The following NLGN4Y variants were observed in gnomAD, a reference collection of about 807,000 sequenced individuals.
The protein encoded by NLGN4Y is neuroligin-4, Y-linked.
In NLGN4Y, 4 loss-of-function variants were observed where a neutral mutation model predicts 8.4. That is an observed-to-expected ratio of 0.48 (90% CI 0.23 to 1.09). NLGN4Y has a LOEUF of 1.09. Ranked by LOEUF, NLGN4Y falls within the 50% of genes least tolerant of loss-of-function variation. The pLI is 0.19. For synonymous variants in NLGN4Y, 35 were observed against 75.6 expected, an observed-to-expected ratio of 0.46 and a Z score of 2.78; for missense variants, 90 against 192.3, an observed-to-expected ratio of 0.47 and a Z score of 3.15.
intron 4 of NLGN4Y, among the ~76,000 whole-genome samples, chrY:14,758,218 T>G: frequency 6.0e-5 from 2 of 33,290 alleles, no homozygotes; most frequent in African/African-American, 2.4e-4. Context: ...TCTTTCTTCA[T>G]GGGTTTGGTA....
intron 1 of NLGN4Y, among the ~76,000 whole-genome samples, chrY:14,563,868 T>G: frequency 3.0e-5 from 1 of 33,532 alleles, no homozygotes; most frequent in Admixed American, 2.7e-4. Flanking sequence ...TGTATTTCTG[T>G]GGGATTACTG....
intron 4 of NLGN4Y, among the ~76,000 whole-genome samples, chrY:14,733,777 C>T: frequency 3.0e-5 from 1 of 32,924 alleles, no homozygotes; most frequent in Non-Finnish European, 7.4e-5. Flanking sequence ...AGGAGAAGCA[C>T]ATGTGAGAGG....
Position 14,845,522 on chromosome Y carries a change from C to T in NLGN4Y, c.*4260C>T. Reference sequence around the variant, plus strand: ...CTTCAATAAGATATTTTGAAAGAAACCACATTCACATAACATTTATGACAT... The same window carrying T: ...CTTCAATAAGATATTTTGAAAGAAATCACATTCACATAACATTTATGACAT... On this transcript the variant is annotated 3_prime_UTR_variant, in exon 7 of 7. Transcript: ENST00000684976. The T allele has an allele frequency of 9.0e-5, 3 of 33,168 alleles. No individual in the cohort carries two copies. The highest frequency in any genetic ancestry group is 2.3e-4 in the African/African-American group (2 of 8,555). 8.3% of individuals were successfully genotyped at this position (33,168 alleles called of 400,897 possible).
intron 2 of NLGN4Y, among the ~76,000 whole-genome samples, chrY:14,675,023 T>C: frequency 3.0e-5 from 1 of 33,285 alleles, no homozygotes; most frequent in East Asian, 8.0e-4. Context: ...TATTGAATAA[T>C]TAATGTTACA....
At chrY:14,727,799 C>T (rs2080959750) in intron 4 of NLGN4Y, among the ~76,000 whole-genome samples, 1 of 33,123 alleles carries the variant, frequency 3.0e-5, no homozygotes, top group Non-Finnish European at 7.4e-5. Context: ...CCCCTGGTGT[C>T]GTGAAAGTGG....
At chrY:14,825,067 G>A in intron 5 of NLGN4Y, among the ~76,000 whole-genome samples, 2 of 33,245 alleles carry the variant, frequency 6.0e-5, no homozygotes, top group Non-Finnish European at 7.4e-5. Context: ...TTTTAACCAC[G>A]TGTTTTTTTA....
At chrY:14,568,123 T>C (rs2150479034) in intron 1 of NLGN4Y, among the ~76,000 whole-genome samples, 1 of 32,972 alleles carries the variant, frequency 3.0e-5, no homozygotes, top group Non-Finnish European at 7.5e-5. Context: ...CCCTCCCCAC[T>C]CCCTCCACCC....
At chrY:14,802,668 A>G (rs2043037792) in intron 4 of NLGN4Y, among the ~76,000 whole-genome samples, 1 of 13,365 alleles carries the variant, frequency 7.5e-5, no homozygotes, top group African/African-American at 4.7e-4. Context: ...TTAATTATCT[A>G]TAATTTTAAA....
intron 1 of NLGN4Y, among the ~76,000 whole-genome samples, chrY:14,568,070 C>T: frequency 3.1e-5 from 1 of 32,193 alleles, no homozygotes; most frequent in Non-Finnish European, 7.5e-5. Context: ...GTGCTACACC[C>T]GTTAACTCGT....
chrY:14,591,949 C>G, intron 1 of NLGN4Y, among the ~76,000 whole-genome samples: 2 of 32,994 alleles, frequency 6.1e-5, no homozygotes, highest in Non-Finnish European at 1.5e-4. Context: ...GGTGGAAGGT[C>G]AAGTTGGTAA....
At chrY:14,730,751 A>G (rs2080968775) in intron 4 of NLGN4Y, among the ~76,000 whole-genome samples, 1 of 33,194 alleles carries the variant, frequency 3.0e-5, no homozygotes, top group African/African-American at 1.2e-4. Context: ...AAAACACATA[A>G]TTTCATTCTT....
intron 2 of NLGN4Y, among the ~76,000 whole-genome samples, chrY:14,680,394 G>A (rs767998280): frequency 3.0e-5 from 1 of 33,155 alleles, no homozygotes; most frequent in Admixed American, 2.8e-4. Context: ...TGTGTGGCCT[G>A]GGGTGAATTA....
chrY:14,778,194 C>T, intron 4 of NLGN4Y, among the ~76,000 whole-genome samples: 1 of 32,853 alleles, frequency 3.0e-5, no homozygotes, highest in South Asian at 6.8e-4. Context: ...TAGAATTTGA[C>T]GACAGCTGTC....
chrY:14,671,057 T>A (rs2080708611), intron 2 of NLGN4Y, among the ~76,000 whole-genome samples: 49 of 33,914 alleles, frequency 1.4e-3, no homozygotes, highest in Non-Finnish European at 2.6e-3. Flanking sequence ...ACTTAAGAAT[T>A]TTTAAAATCC....
chrY:14,781,135 C>T, intron 4 of NLGN4Y, among the ~76,000 whole-genome samples: 1 of 33,636 alleles, frequency 3.0e-5, no homozygotes, highest in Non-Finnish European at 7.4e-5. Context: ...TAAGAAAGTT[C>T]TTATTTTACA....
In NLGN4Y at chrY:14,738,790, A is replaced by G. The variant is rs768703148; in HGVS notation, c.685+15521A>G. Among the ~76,000 whole-genome samples, 20 of 32,971 alleles carry G rather than the reference A, an allele frequency of 6.1e-4. No individual in the cohort carries two copies. The South Asian group carries it at 0.014, about 23-fold the overall frequency. 88.5% of individuals were successfully genotyped at this position (32,971 alleles called of 37,273 possible). On this transcript the variant is annotated intron_variant, in intron 4 of 6. Transcript: ENST00000684976. ...ACAGTTGGGGAGTTTGCAATAGTCT[A>G]TGAAAACTGTTTTACTTTATAGAGC...
At chrY:14,726,975 C>A (rs2080956822) in intron 4 of NLGN4Y, among the ~76,000 whole-genome samples, 1 of 32,453 alleles carries the variant, frequency 3.1e-5, no homozygotes, top group Non-Finnish European at 7.5e-5. Flanking sequence ...ATCCCAGCTA[C>A]CTGGGAGGCT....
chrY:14,810,120 G>A (rs757875838), intron 4 of NLGN4Y, among the ~76,000 whole-genome samples: 2 of 33,450 alleles, frequency 6.0e-5, no homozygotes, highest in South Asian at 1.3e-3. Flanking sequence ...CTCATCTCAG[G>A]CACTAGGATG....
intron 2 of NLGN4Y, among the ~76,000 whole-genome samples, chrY:14,719,123 C>G (rs772489924): frequency 1.7e-3 from 56 of 33,017 alleles, no homozygotes; most frequent in African/African-American, 4.9e-3. Flanking sequence ...TGGGAAATAC[C>G]TTTAATAATT....
Sources: gnomAD v4.1 joint callset for allele counts (sites outside exome capture counted in the v4.1 genomes callset) on GRCh38, gnomAD v4.1.1 for gene constraint, MANE v1.5 for transcripts, NCBI Gene and HGNC (gene_info 2026-07-23, HGNC 2026-07-21) for gene names.